ACSM6: variants seen among roughly 807,000 people sequenced by gnomAD.
ACSM6 encodes the protein acyl-CoA synthetase medium chain family member 6.
ACSM6 carries 35 observed loss-of-function variants against 51.1 expected under a neutral mutation model. That is an observed-to-expected ratio of 0.69 (90% CI 0.52 to 0.91). The LOEUF (loss-of-function observed/expected upper bound fraction) is 0.91. Ranked by LOEUF, ACSM6 falls within the 40% of genes least tolerant of loss-of-function variation. ACSM6 has a pLI of 0.00. For missense variants in ACSM6, 509 were observed against 584.1 expected, an observed-to-expected ratio of 0.87 and a Z score of 1.32; for synonymous variants, 172 against 207.3, an observed-to-expected ratio of 0.83 and a Z score of 1.46.
rs373972717 is a variant in ACSM6, at chr10:95,221,586, CA to C, written c.1200+1624del. Reference sequence around the variant, plus strand: ...GGGTGACAAGAGCAAAACTCCATCTCAAAAAAAAAGAAAGGAAAAAAATTAT... The same window carrying C: ...GGGTGACAAGAGCAAAACTCCATCTCAAAAAAAAGAAAGGAAAAAAATTAT... On this transcript the variant is annotated intron_variant, in intron 9 of 10. Coordinates refer to ENST00000341686, the Ensembl canonical transcript of ACSM6. Among the ~76,000 whole-genome samples, 80 of 146,342 alleles carry C rather than the reference CA, an allele frequency of 5.5e-4. No homozygotes were observed. The East Asian group carries it at 0.014, about 26-fold the overall frequency.
At chr10:95,201,235 A>G (rs181682918) in intron 2 of ACSM6, among the ~76,000 whole-genome samples, 32 of 152,280 alleles carry the variant, frequency 2.1e-4, no homozygotes, top group Admixed American at 3.3e-4. Context: ...AGATGGCACA[A>G]TGGTGAGGCT....
At chr10:95,210,919 G>A in intron 5 of ACSM6, 126 bp downstream of exon 5, 1 of 1,174,626 alleles carries the variant, frequency 8.5e-7, no homozygotes, top group Middle Eastern at 3.0e-4. Flanking sequence ...AATATTGAGA[G>A]AAGGAACAGG....
rs112850496 is a variant in ACSM6 at position 95,216,717 on chromosome 10, G to GA, written c.1119+1749dup. 8.0e-3 allele frequency among the ~76,000 whole-genome samples: 1,221 copies of GA among 152,008 alleles called. 26 individuals carry two copies. The highest frequency in any genetic ancestry group is 0.028 in the African/African-American group (1,168 of 41,476). ...ATAAAAGGATCAACATCCCCCACTTGAAAAAAATAAGTAGAAACCTCTTCC... is the reference window on the plus strand; with the variant it reads ...ATAAAAGGATCAACATCCCCCACTTGAAAAAAAATAAGTAGAAACCTCTTCC... On this transcript the variant is annotated intron_variant, in intron 8 of 10. Transcript: ENST00000341686.
chr10:95,218,142 ACACT>A (rs1233412185), intron 8 of ACSM6, among the ~76,000 whole-genome samples: 6 of 152,214 alleles, frequency 3.9e-5, no homozygotes, highest in Non-Finnish European at 7.3e-5. Flanking sequence ...AATATAACTG[ACACT>A]CAGAACATCT....
At chr10:95,207,812 TA>T (rs886602144) in intron 4 of ACSM6, among the ~76,000 whole-genome samples, 1 of 152,032 alleles carries the variant, frequency 6.6e-6, no homozygotes, top group Non-Finnish European at 1.5e-5. Context: ...TATGAAGCCA[TA>T]AAAAATGAAA....
chr10:95,199,922 G>A (rs542707931), intron 2 of ACSM6, among the ~76,000 whole-genome samples: 171 of 152,330 alleles, frequency 1.1e-3, no homozygotes, highest in South Asian at 4.4e-3. Flanking sequence ...AACTAGTTCA[G>A]CCATTGTGGA....
chr10:95,214,151 G>A (rs537896485), intron 7 of ACSM6, among the ~76,000 whole-genome samples: 19 of 152,256 alleles, frequency 1.2e-4, no homozygotes, highest in African/African-American at 4.3e-4. Context: ...TTTTGATCTT[G>A]CTTAGTCTTG....
exon 3 of ACSM6, chr10:95,202,053 C>G (rs1274086825): frequency 2.6e-6 from 4 of 1,551,900 alleles, no homozygotes; most frequent in Non-Finnish European, 3.5e-6. Context: ...ACAAATGGAG[C>G]TTTGAAAGGA....
chr10:95,205,595 A>G (rs145847172), intron 3 of ACSM6, among the ~76,000 whole-genome samples: 37 of 152,326 alleles, frequency 2.4e-4, no homozygotes, highest in Non-Finnish European at 4.1e-4. Flanking sequence ...AGGACACACA[A>G]ATTCAGACCA....
chr10:95,212,690 T>C (rs1385397601), intron 6 of ACSM6, among the ~76,000 whole-genome samples, 168 bp from the exon 7 acceptor site: 1 of 152,186 alleles, frequency 6.6e-6, no homozygotes, highest in Admixed American at 6.5e-5. Flanking sequence ...TCTCCCAAGG[T>C]GTGGAAGGTG....
At chr10:95,201,894 G>C in intron 2 of ACSM6, 91 bp from the exon 3 acceptor site, 1 of 1,082,872 alleles carries the variant, frequency 9.2e-7, no homozygotes, top group Non-Finnish European at 1.4e-6. Context: ...TCAAGATCTA[G>C]CCACTTGAGG....
rs558796386 is a variant in ACSM6 at position 95,210,487 on chromosome 10, T to G, written c.612-163T>G. Among the ~76,000 whole-genome samples the G allele has an allele frequency of 6.3e-4, 96 of 152,112 alleles. 1 individual carries two copies. Among genetic ancestry groups the G allele is most frequent in the Middle Eastern group, 3.4e-3 (1 of 294 alleles). On this transcript the variant is annotated intron_variant, in intron 4 of 10. Transcript: ENST00000341686. The stretch of plus-strand genomic sequence containing the variant: ...GCAACAAAAATTAATGCAAAAAAAA[T>G]TTAAGGGAAAAATGGCAGCTGCCCC...
intron 2 of ACSM6, among the ~76,000 whole-genome samples, chr10:95,195,401 G>C (rs547624817): frequency 6.6e-6 from 1 of 152,300 alleles, no homozygotes; most frequent in East Asian, 1.9e-4. Context: ...AGAAGGAAGA[G>C]TATTCAGGAA....
rs1377513316 is a variant in ACSM6, at chr10:95,228,763, T to A, written c.1422T>A (p.Asn474Lys). The change falls in exon 11 of 11, where the codon AAT (asparagine) becomes AAA (lysine). Residue 474 changes from asparagine (N) to lysine (K), a missense_variant. Coordinates refer to ENST00000341686, the Ensembl canonical transcript of ACSM6. ...CTGGTAGAGTTGATGATGTTGCCAA[T>A]GCATTGGGTCAGAGATTGTGAATGC... The A allele has an allele frequency of 1.9e-6, 3 of 1,551,462 alleles. No homozygotes were observed. The African/African-American group carries it at 4.1e-5, about 21-fold the overall frequency.
At chr10:95,215,935 GTTT>G (rs2034939747) in intron 8 of ACSM6, among the ~76,000 whole-genome samples, 1 of 152,014 alleles carries the variant, frequency 6.6e-6, no homozygotes, top group Admixed American at 6.6e-5. Context: ...TTGTTTGTTT[GTTT>G]TTAAAGAGAG....
chr10:95,207,283 A>C (rs1240649464), exon 4 of ACSM6: 2 of 1,614,088 alleles, frequency 1.2e-6, no homozygotes, highest in African/African-American at 2.7e-5. Context: ...TCTAAGGCCC[A>C]GTGCATTGTG....
chr10:95,201,709 A>G, intron 2 of ACSM6: 1 of 542,412 alleles, frequency 1.8e-6, no homozygotes, highest in South Asian at 1.7e-5. Context: ...AATCTCTGCC[A>G]TCCTGGGCAG....
At chr10:95,207,257 C>T in exon 4 of ACSM6, 3 of 1,614,130 alleles carry the variant, frequency 1.9e-6, no homozygotes, top group Non-Finnish European at 2.5e-6. Flanking sequence ...AGAAAATTCG[C>T]TATCAATTAC....
chr10:95,212,770 T>G lies in ACSM6; in HGVS notation c.913-88T>G. 2.9e-6 allele frequency: 3 copies of G among 1,047,518 alleles called. No homozygotes were observed. The East Asian group carries it at 7.2e-5, about 25-fold the overall frequency. The allele number at this position is 1,047,518 out of a possible 1,614,324, so 64.9% of individuals were successfully genotyped here. ...TTTCAAAGTCTGTGACCCTCTTCCC[T>G]GGACTTTCCCGCCTGGACCCCTGCC... is the stretch of plus-strand genomic sequence containing the variant. On this transcript the variant is annotated intron_variant, in intron 6 of 10. Coordinates refer to ENST00000341686, the Ensembl canonical transcript of ACSM6.
Sources: gnomAD v4.1 joint callset for allele counts (sites outside exome capture counted in the v4.1 genomes callset) on GRCh38, gnomAD v4.1.1 for gene constraint, MANE v1.5 for transcripts, NCBI Gene and HGNC (gene_info 2026-07-23, HGNC 2026-07-21) for gene names.